GNAS: variants seen among roughly 807,000 people sequenced by gnomAD.
GNAS encodes the protein GNAS complex locus, also known as protein ALEX.
GNAS carries 8 observed loss-of-function variants against 54.5 expected under a neutral mutation model. The ratio of observed to expected loss-of-function variants is 0.15; its 90% CI spans 0.09 to 0.26. The LOEUF (loss-of-function observed/expected upper bound fraction) is 0.26, where lower values mean the gene tolerates loss of function less well. Among genes scored for constraint, GNAS ranks in the 10% least tolerant of loss-of-function variants. The probability of loss-of-function intolerance (pLI) is 1.00; values close to 1 mark genes in which losing one functional copy is unlikely to be tolerated. For missense variants in GNAS, 170 were observed against 529.8 expected (o/e 0.32, Z 6.67); for synonymous variants, 204 against 191.4 (o/e 1.07, Z -0.54).
intron 1 of GNAS, among the ~76,000 whole-genome samples, chr20:58,865,578 A>G (rs985811461): frequency 4.7e-5 from 7 of 149,546 alleles, no homozygotes; most frequent in Non-Finnish European, 8.9e-5. Flanking sequence ...TGTCCACTGC[A>G]GTTACTTTTT....
At chr20:58,890,044 TCG>T (rs2145870359), upstream of GNAS, among the ~76,000 whole-genome samples, 1 of 150,636 alleles carries the variant, frequency 6.6e-6, no homozygotes, top group East Asian at 2.0e-4. Flanking sequence ...CCCGAGAAGC[TCG>T]CGAAGAACCC....
chr20:58,844,708 A>T (rs1031457590), intron 1 of GNAS, among the ~76,000 whole-genome samples: 1 of 152,136 alleles, frequency 6.6e-6, no homozygotes, highest in Non-Finnish European at 1.5e-5. Context: ...GGAACTCCCA[A>T]AAAACATCGA....
chr20:58,859,715 C>T (rs1271692810), intron 1 of GNAS, among the ~76,000 whole-genome samples: 1 of 151,866 alleles, frequency 6.6e-6, no homozygotes, highest in South Asian at 2.1e-4. Flanking sequence ...CAACCTCTGC[C>T]TCCTGGGTTC....
intron 1 of GNAS, among the ~76,000 whole-genome samples, chr20:58,881,251 C>A (rs1256960411): frequency 1.3e-5 from 2 of 152,170 alleles, no homozygotes; most frequent in South Asian, 2.1e-4. Flanking sequence ...CTTTTCTAGA[C>A]TTTGGGATGC....
intron 2 of GNAS, chr20:58,898,439 T>C (rs2090282965): frequency 6.2e-6 from 1 of 160,350 alleles, no homozygotes; most frequent in African/African-American, 2.4e-5. Context: ...ATTTTATAGG[T>C]AGTTTCCTTC....
At chr20:58,908,166 TTTC>T (rs1279603805) in intron 6 of GNAS, among the ~76,000 whole-genome samples, 3 of 152,194 alleles carry the variant, frequency 2.0e-5, no homozygotes, top group African/African-American at 7.2e-5. Flanking sequence ...TCTTTATGAT[TTTC>T]TTTTCTCGTT....
chr20:58,907,414 T>C (rs1327239121), intron 6 of GNAS, among the ~76,000 whole-genome samples: 2 of 152,184 alleles, frequency 1.3e-5, no homozygotes, highest in Non-Finnish European at 2.9e-5. Flanking sequence ...GCGCTAATTA[T>C]AGTAACGCAA....
At chr20:58,865,322 G>T (rs967393821) in intron 1 of GNAS, among the ~76,000 whole-genome samples, 1 of 151,348 alleles carries the variant, frequency 6.6e-6, no homozygotes, top group Non-Finnish European at 1.5e-5. Context: ...GGAGGCTGAG[G>T]CAGGAGAATC....
intron 1 of GNAS, among the ~76,000 whole-genome samples, chr20:58,860,311 A>T (rs1275886630): frequency 3.4e-5 from 5 of 148,576 alleles, no homozygotes; most frequent in African/African-American, 9.9e-5. Flanking sequence ...TTTTTTTTTT[A>T]AATGCAGGTT....
chr20:58,861,668 C>G (rs1403361928), intron 1 of GNAS, among the ~76,000 whole-genome samples: 1 of 152,166 alleles, frequency 6.6e-6, no homozygotes, highest in African/African-American at 2.4e-5. Flanking sequence ...AAAGAAGCCC[C>G]TGAACAAAGG....
At chr20:58,855,585 T>C in intron 1 of GNAS, 1 of 717,316 alleles carries the variant, frequency 1.4e-6, no homozygotes, top group Non-Finnish European at 2.6e-6. Context: ...ACACTGAGGG[T>C]CGTTTCCGGC....
At chr20:58,862,331 T>C (rs1568937064) in intron 1 of GNAS, among the ~76,000 whole-genome samples, 1 of 151,574 alleles carries the variant, frequency 6.6e-6, no homozygotes, top group African/African-American at 2.4e-5. Context: ...CTAACTTTTA[T>C]ATTTTTTAGT....
intron 1 of GNAS, among the ~76,000 whole-genome samples, chr20:58,880,395 G>C (rs926192951): frequency 1.3e-5 from 2 of 152,162 alleles, no homozygotes; most frequent in Non-Finnish European, 2.9e-5. Flanking sequence ...TACAGTCACA[G>C]ACCTTGAAAA....
chr20:58,898,097 T>C (rs2090239693), intron 2 of GNAS: 1 of 152,172 alleles, frequency 6.6e-6, no homozygotes, highest in Non-Finnish European at 1.5e-5. Flanking sequence ...ACTAACTCTG[T>C]TTCTTACATT....
intron 1 of GNAS, among the ~76,000 whole-genome samples, chr20:58,872,755 G>A (rs551614890): frequency 1.8e-3 from 281 of 151,918 alleles, no homozygotes; most frequent in African/African-American, 6.4e-3. Flanking sequence ...AGGGTGGGGG[G>A]CAGAGAGAGA....
At chr20:58,845,046 G>A (rs906059479) in intron 1 of GNAS, among the ~76,000 whole-genome samples, 1 of 152,026 alleles carries the variant, frequency 6.6e-6, no homozygotes, top group Non-Finnish European at 1.5e-5. Context: ...GTGTGTGTGT[G>A]TGTTCCCCAC....
intron 1 of GNAS, among the ~76,000 whole-genome samples, chr20:58,844,610 T>C (rs536866871): frequency 6.6e-6 from 1 of 152,170 alleles, no homozygotes; most frequent in Non-Finnish European, 1.5e-5. Context: ...ATCCTATTTA[T>C]CCCTTTCAGC....
chr20:58,909,432 A>ACTGTTAC lies in GNAS; in HGVS notation c.659+12_659+18dup. On this transcript the variant is annotated intron_variant, in intron 8 of 12. Transcript: ENST00000371085. The surrounding 1 kb of genome is among the most constrained non-coding windows in gnomAD (Gnocchi z 7.3). ...GACAAAGTCAACTTCCAGTAAGCCA[A>ACTGTTAC]CTGTTACCTTTTTATATAACAGAGA... is the stretch of plus-strand genomic sequence containing the variant. 1 of 1,611,590 alleles carries ACTGTTAC rather than the reference A, an allele frequency of 6.2e-7. No homozygotes were observed. The highest frequency in any genetic ancestry group is 1.3e-5 in the African/African-American group (1 of 74,908).
intron 1 of GNAS, among the ~76,000 whole-genome samples, chr20:58,877,703 T>C (rs144890762): frequency 2.6e-5 from 4 of 152,284 alleles, no homozygotes; most frequent in Non-Finnish European, 4.4e-5. Context: ...GTTAAGAGGC[T>C]ACAGTCAGCT....
Sources: gnomAD v4.1 joint callset for allele counts (sites outside exome capture counted in the v4.1 genomes callset) on GRCh38, gnomAD v4.1.1 for gene constraint, Gnocchi (gnomAD v3.1) non-coding constraint, MANE v1.5 for transcripts, NCBI Gene and HGNC (gene_info 2026-07-23, HGNC 2026-07-21) for gene names.